The following SNX29 variants were observed in gnomAD, a reference collection of about 807,000 sequenced individuals.
SNX29 encodes the protein sorting nexin 29.
SNX29 carries 78 observed loss-of-function variants against 102.1 expected under a neutral mutation model. The observed-to-expected ratio is 0.76, with a 90% CI of 0.64 to 0.92. The LOEUF (loss-of-function observed/expected upper bound fraction) is 0.92, where lower values mean the gene tolerates loss of function less well. SNX29 is among the 40% of genes least tolerant of loss of function. The pLI is 0.00. For missense variants in SNX29, 1,280 were observed against 1,061.7 expected (o/e 1.21, Z -2.86); for synonymous variants, 580 against 414.5 (o/e 1.40, Z -4.85).
At chr16:12,222,536 T>G (rs2077504563) in intron 14 of SNX29, among the ~76,000 whole-genome samples, 1 of 152,166 alleles carries the variant, frequency 6.6e-6, no homozygotes, top group Non-Finnish European at 1.5e-5. Context: ...GGCTGGCTAC[T>G]TCATATCTGG....
chr16:12,061,563 A>G lies in SNX29; in HGVS notation c.1160A>G (p.His387Arg). The G allele has an allele frequency of 6.2e-7, 1 of 1,610,230 alleles. No individual in the cohort carries two copies. Among genetic ancestry groups the G allele is most frequent in the Non-Finnish European group, 8.5e-7 (1 of 1,178,714 alleles). Residue 387 changes from histidine (H) to arginine (R), a missense_variant, in exon 9 of 21, where the codon CAC becomes CGC. By Grantham distance (29) the His-to-Arg change is conservative. Coordinates refer to ENST00000566228, the MANE Select transcript of SNX29 (RefSeq NM_032167.5). Reference protein sequence around the residue: ...LEGNTCLSQMHSWAPLKVLHN... With the variant: ...LEGNTCLSQMRSWAPLKVLHN... ...GGGAACACCTGCCTCTCCCAGATGC[A>G]CAGCTGGGCTCCGCTGAAGGTGCTG...
intron 11 of SNX29, among the ~76,000 whole-genome samples, chr16:12,084,819 A>G (rs2052083308): frequency 6.6e-6 from 1 of 152,210 alleles, no homozygotes; most frequent in South Asian, 2.1e-4. Context: ...CTGTAATCCC[A>G]GCACTTTGGG....
At chr16:12,512,620 C>G (rs761307654) in intron 19 of SNX29, among the ~76,000 whole-genome samples, 1 of 147,656 alleles carries the variant, frequency 6.8e-6, no homozygotes, top group African/African-American at 2.4e-5. Context: ...TCGAGGGAGA[C>G]GAGCATCCCA....
Position 12,403,481 on chromosome 16 carries a change from C to T in SNX29, c.1989C>T (p.Pro663=), listed in dbSNP as rs770975957. ...GGGCGCTGATCAACGTCTGGATCCC[C>T]TCAGTGTTTCTCCGGGGCAAAGCAG... ...SNRALINVWI[P]SVFLRGKAAN... is the part of the protein sequence containing the mutation. Residue 663 remains proline, a synonymous_variant, in exon 18 of 21, where the codon CCC becomes CCT. Transcript: ENST00000566228. The T allele has an allele frequency of 6.2e-7, 1 of 1,608,646 alleles. No homozygotes were observed. The highest frequency in any genetic ancestry group is 8.5e-7 in the Non-Finnish European group (1 of 1,177,556).
chr16:12,177,183 C>G (rs1006322970), intron 13 of SNX29, among the ~76,000 whole-genome samples: 5 of 152,082 alleles, frequency 3.3e-5, no homozygotes, highest in African/African-American at 1.2e-4. Context: ...CCAAGAGATC[C>G]TCAAGCGATC....
At chr16:12,222,492 G>A (rs1037253662) in intron 14 of SNX29, among the ~76,000 whole-genome samples, 8 of 152,184 alleles carry the variant, frequency 5.3e-5, no homozygotes, top group East Asian at 1.9e-4. Flanking sequence ...GCAGCTTCCC[G>A]CTGGGCTTCT....
intron 11 of SNX29, among the ~76,000 whole-genome samples, chr16:12,099,996 C>A (rs1053510531): frequency 5.3e-5 from 8 of 152,148 alleles, no homozygotes; most frequent in African/African-American, 1.9e-4. Flanking sequence ...TGCAGCGACC[C>A]CATGCAGCGG....
chr16:12,356,102 C>T (rs145734002), intron 15 of SNX29, 61 bp from the exon 16 acceptor site: 25 of 1,488,924 alleles, frequency 1.7e-5, no homozygotes, highest in Middle Eastern at 1.7e-4. Context: ...CCAGAGAAGG[C>T]GGGATTGGTC....
At chr16:12,389,132 C>G (rs570234408) in intron 16 of SNX29, among the ~76,000 whole-genome samples, 1 of 152,182 alleles carries the variant, frequency 6.6e-6, no homozygotes, top group African/African-American at 2.4e-5. Context: ...TACTGTAACA[C>G]TAGCGCGAGC....
Position 12,499,620 on chromosome 16 carries a change from C to T in SNX29, c.2178+21761C>T, listed in dbSNP as rs138486703. Among the ~76,000 whole-genome samples the T allele has an allele frequency of 2.3e-4, 35 of 152,276 alleles. No individual in the cohort carries two copies. The East Asian group carries it at 6.6e-3, about 29-fold the overall frequency. On this transcript the variant is annotated intron_variant, in intron 19 of 20. Coordinates refer to ENST00000566228, the MANE Select transcript of SNX29 (RefSeq NM_032167.5). ...CATATTCACAGGATCAGACCACACC[C>T]CAGACCCGGTGAATTAGAATCTCTA...
chr16:12,227,793 G>A (rs770765225), intron 14 of SNX29, among the ~76,000 whole-genome samples: 2 of 151,476 alleles, frequency 1.3e-5, no homozygotes, highest in South Asian at 2.1e-4. Context: ...CCAGCTACTC[G>A]GGAGGCTGAG....
chr16:12,084,347 T>C (rs1480964534), intron 11 of SNX29, among the ~76,000 whole-genome samples: 1 of 152,154 alleles, frequency 6.6e-6, no homozygotes, highest in Non-Finnish European at 1.5e-5. Context: ...GGTTTCACCA[T>C]GTTGGCCAGG....
chr16:12,075,609 C>T (rs1240523328), intron 10 of SNX29, among the ~76,000 whole-genome samples: 1 of 152,228 alleles, frequency 6.6e-6, no homozygotes, highest in Non-Finnish European at 1.5e-5. Flanking sequence ...GCTCAGGGGT[C>T]AGGGGTCAGG....
At chr16:12,481,506 A>G (rs2087922423) in intron 19 of SNX29, among the ~76,000 whole-genome samples, 1 of 131,122 alleles carries the variant, frequency 7.6e-6, no homozygotes, top group Non-Finnish European at 1.6e-5. Context: ...ATGTACATAT[A>G]CATATAGACA....
At chr16:12,516,826 C>G (rs183821772) in intron 19 of SNX29, among the ~76,000 whole-genome samples, 4 of 152,282 alleles carry the variant, frequency 2.6e-5, no homozygotes, top group African/African-American at 9.6e-5. Context: ...ACACACTTGT[C>G]AGAAACAAAC....
At chr16:12,014,970 A>G (rs1037261441) in intron 3 of SNX29, among the ~76,000 whole-genome samples, 8 of 150,838 alleles carry the variant, frequency 5.3e-5, no homozygotes, top group African/African-American at 2.0e-4. Flanking sequence ...TTGGTCAACT[A>G]TTTTTTTTGG....
chr16:12,145,592 A>G (rs1006024343), intron 13 of SNX29, among the ~76,000 whole-genome samples: 1 of 152,236 alleles, frequency 6.6e-6, no homozygotes, highest in African/African-American at 2.4e-5. Context: ...CCTGAACACA[A>G]TTACCATCAA....
At chr16:12,543,613 G>T (rs1014817564) in intron 20 of SNX29, among the ~76,000 whole-genome samples, 1 of 151,872 alleles carries the variant, frequency 6.6e-6, no homozygotes, top group African/African-American at 2.4e-5. Flanking sequence ...GATGGAGTGG[G>T]CAGTGCCCCA....
rs557542669 is a variant in SNX29, at chr16:11,983,235, A to ATT, written c.7+6443_7+6444dup. Among the ~76,000 whole-genome samples, 271 of 129,578 alleles carry ATT rather than the reference A, an allele frequency of 2.1e-3. 2 individuals are homozygous for ATT. In the East Asian group the frequency reaches 0.023, roughly 11 times the overall value. The allele number at this position is 129,578 out of a possible 152,430, so 85.0% of individuals were successfully genotyped here. ...TGTGAGCCACTGCGCCTGGGTTACA[A>ATT]TTTTTTTTTTTTTTTTTTTTTTGTA... On this transcript the variant is annotated intron_variant, in intron 1 of 20. Transcript: ENST00000566228.
Sources: allele counts gnomAD v4.1 joint callset (sites outside exome capture counted in the v4.1 genomes callset), GRCh38; gene constraint gnomAD v4.1.1; transcripts MANE v1.5; gene names NCBI Gene and HGNC (gene_info 2026-07-23, HGNC 2026-07-21).